NCAM2: variants seen among roughly 807,000 people sequenced by gnomAD.
NCAM2 encodes the protein neural cell adhesion molecule 2, also known as N-CAM-2.
A neutral mutation model predicts 98.1 loss-of-function variants in NCAM2; 30 were observed. The ratio of observed to expected loss-of-function variants is 0.31; its 90% CI spans 0.23 to 0.41. NCAM2 has a LOEUF of 0.41. Ranked by LOEUF, NCAM2 falls within the 10% of genes least tolerant of loss-of-function variation. The pLI, the probability that NCAM2 is intolerant of heterozygous loss-of-function variation, is 1.00. For missense variants in NCAM2, 867 were observed against 1,005.8 expected (o/e 0.86, Z 1.87); for synonymous variants, 368 against 342.4 (o/e 1.07, Z -0.83).
At chr21:21,185,994 A>T (rs777780026) in intron 1 of NCAM2, among the ~76,000 whole-genome samples, 22 of 152,274 alleles carry the variant, frequency 1.4e-4, no homozygotes, top group Middle Eastern at 6.8e-3. Context: ...AACATAAGAG[A>T]TGCTTCTGGA....
At chr21:21,022,219 A>C (rs976780627) in intron 1 of NCAM2, among the ~76,000 whole-genome samples, 3 of 152,096 alleles carry the variant, frequency 2.0e-5, no homozygotes, top group Non-Finnish European at 2.9e-5. Context: ...AAAAAAATAC[A>C]TACTTAAAAA....
At chr21:21,046,044 G>GT (rs2065002233) in intron 1 of NCAM2, among the ~76,000 whole-genome samples, 1 of 152,148 alleles carries the variant, frequency 6.6e-6, no homozygotes, top group Admixed American at 6.5e-5. Flanking sequence ...TTCTTGCCTA[G>GT]TAAAAGGCTT....
chr21:21,466,435 A>T (rs573759896), intron 12 of NCAM2, among the ~76,000 whole-genome samples, 171 bp from the exon 13 acceptor site: 2 of 152,004 alleles, frequency 1.3e-5, no homozygotes, highest in Non-Finnish European at 2.9e-5. Flanking sequence ...TTCACAAATC[A>T]GTTTCTTCTT....
In NCAM2 at chr21:21,010,858, C is replaced by T. The variant is rs545878699; in HGVS notation, c.55+12240C>T. ...TCTAACCTCCCAGTAGAAACGCATG[C>T]AGGGAGCTGAGGTTGAATGATAAAG... On this transcript the variant is annotated intron_variant, in intron 1 of 17. Coordinates refer to ENST00000400546, the MANE Select transcript of NCAM2 (RefSeq NM_004540.5). Among the ~76,000 whole-genome samples the T allele has an allele frequency of 4.6e-5, 7 of 152,172 alleles. No homozygotes were observed. In the South Asian group the frequency reaches 1.0e-3, roughly 23 times the overall value.
chr21:21,184,050 C>T (rs982179372), intron 1 of NCAM2, among the ~76,000 whole-genome samples: 26 of 151,874 alleles, frequency 1.7e-4, no homozygotes, highest in African/African-American at 5.1e-4. Flanking sequence ...GAAAAACATT[C>T]GTTTTCTAAT....
intron 1 of NCAM2, among the ~76,000 whole-genome samples, chr21:21,167,861 T>G (rs2146823393): frequency 6.6e-6 from 1 of 152,158 alleles, no homozygotes; most frequent in African/African-American, 2.4e-5. Flanking sequence ...AGTTCATGGG[T>G]GAATTATACC....
intron 5 of NCAM2, among the ~76,000 whole-genome samples, chr21:21,308,149 A>C (rs1301558121): frequency 1.3e-5 from 2 of 152,120 alleles, no homozygotes; most frequent in Non-Finnish European, 2.9e-5. Flanking sequence ...TATTACATTA[A>C]AATTAATGTT....
intron 12 of NCAM2, among the ~76,000 whole-genome samples, chr21:21,450,241 A>G (rs1467687120): frequency 2.0e-5 from 3 of 152,002 alleles, no homozygotes; most frequent in African/African-American, 4.8e-5. Context: ...TACACATTAT[A>G]TATGTATATG....
chr21:21,402,041 G>A (rs761704471), intron 9 of NCAM2, among the ~76,000 whole-genome samples: 46 of 152,180 alleles, frequency 3.0e-4, no homozygotes, highest in Admixed American at 5.2e-4. Flanking sequence ...TGATGATTGC[G>A]TTAACTGTAC....
intron 14 of NCAM2, among the ~76,000 whole-genome samples, chr21:21,476,874 A>C (rs1387926097): frequency 1.3e-5 from 2 of 152,010 alleles, no homozygotes; most frequent in African/African-American, 4.8e-5. Context: ...CCCCCCAAAA[A>C]ACTTTAACAA....
intron 1 of NCAM2, among the ~76,000 whole-genome samples, chr21:21,159,063 C>G (rs529099025): frequency 7.9e-5 from 12 of 152,008 alleles, no homozygotes; most frequent in Admixed American, 7.9e-4. Context: ...TCTCAGTAGG[C>G]CTATGCTAAT....
At chr21:21,144,107 T>G (rs1364962067) in intron 1 of NCAM2, among the ~76,000 whole-genome samples, 1 of 152,078 alleles carries the variant, frequency 6.6e-6, no homozygotes, top group Non-Finnish European at 1.5e-5. Context: ...CCCAGCACTT[T>G]GGGAGGCCGA....
chr21:21,088,483 C>T (rs1401293225), intron 1 of NCAM2, among the ~76,000 whole-genome samples: 6 of 152,038 alleles, frequency 3.9e-5, no homozygotes, highest in Non-Finnish European at 2.9e-5. Context: ...AACATGATGC[C>T]AATTTTGTTT....
chr21:21,363,945 G>C (rs1243122060), intron 8 of NCAM2, among the ~76,000 whole-genome samples: 3 of 151,848 alleles, frequency 2.0e-5, no homozygotes, highest in African/African-American at 7.3e-5. Context: ...TCTTTTAATT[G>C]AAGGCTTCTA....
intron 12 of NCAM2, among the ~76,000 whole-genome samples, chr21:21,451,808 A>T (rs1237690192): frequency 1.3e-5 from 2 of 152,182 alleles, no homozygotes; most frequent in Non-Finnish European, 2.9e-5. Flanking sequence ...TGGAAACCTC[A>T]CCAGACATCT....
chr21:21,460,401 C>A (rs1237193014), intron 12 of NCAM2, among the ~76,000 whole-genome samples: 1 of 151,854 alleles, frequency 6.6e-6, no homozygotes, highest in Non-Finnish European at 1.5e-5. Context: ...GAGAATGTAA[C>A]CAAACTCTGT....
At chr21:21,394,528 G>A (rs1413790283) in intron 9 of NCAM2, among the ~76,000 whole-genome samples, 4 of 111,712 alleles carry the variant, frequency 3.6e-5, no homozygotes, top group Non-Finnish European at 5.1e-5. Context: ...GCGCTCTGTT[G>A]CCCAGGCTGG....
intron 1 of NCAM2, among the ~76,000 whole-genome samples, chr21:21,214,746 T>TATATATATACACACAC (rs11268201): frequency 9.9e-6 from 1 of 100,608 alleles, no homozygotes. Flanking sequence ...TATATATATA[T>TATATATATACACACAC]ACACTATATA....
chr21:21,300,778 A>G (rs1420207331), intron 5 of NCAM2, among the ~76,000 whole-genome samples: 1 of 54,426 alleles, frequency 1.8e-5, no homozygotes, highest in Admixed American at 2.3e-4. Flanking sequence ...TTTCATAATT[A>G]TTACTTAGTT....
Sources: gnomAD v4.1 joint callset for allele counts (sites outside exome capture counted in the v4.1 genomes callset) on GRCh38, gnomAD v4.1.1 for gene constraint, MANE v1.5 for transcripts, NCBI Gene and HGNC (gene_info 2026-07-23, HGNC 2026-07-21) for gene names.